The following COL25A1 variants were observed in gnomAD, a reference collection of about 807,000 sequenced individuals.
COL25A1 encodes the protein collagen alpha-1(XXV) chain.
In COL25A1, 103 loss-of-function variants were observed where a neutral mutation model predicts 128.4. The ratio of observed to expected loss-of-function variants is 0.80; its 90% CI spans 0.68 to 0.94. The LOEUF is 0.94. Ranked by LOEUF, COL25A1 falls within the 40% of genes least tolerant of loss-of-function variation. The pLI is 0.00. For synonymous variants in COL25A1, 279 were observed against 277.2 expected (o/e 1.01, Z -0.06); for missense variants, 745 against 840.0 (o/e 0.89, Z 1.40).
chr4:108,913,548 G>A (rs1456040060), intron 13 of COL25A1, among the ~76,000 whole-genome samples: 7 of 152,018 alleles, frequency 4.6e-5, no homozygotes, highest in East Asian at 1.9e-4. Context: ...GTGAGACACC[G>A]CACCCGACCT....
rs557314192 is a variant in COL25A1, at chr4:109,173,729, ACT to A, written c.368-123552_368-123551del. 7.2e-5 allele frequency among the ~76,000 whole-genome samples: 11 copies of A among 152,304 alleles called. No homozygotes were observed. In the East Asian group the frequency reaches 1.9e-3, roughly 27 times the overall value. On this transcript the variant is annotated intron_variant, in intron 3 of 37. Coordinates refer to ENST00000399132, the MANE Select transcript of COL25A1 (RefSeq NM_198721.4). The stretch of plus-strand genomic sequence containing the variant: ...TCAGTTTAAAATAAGTCATTCATAA[ACT>A]CAAAAACATAATTATTGTCAACTAT...
intron 3 of COL25A1, among the ~76,000 whole-genome samples, chr4:109,179,710 T>C (rs1297052150): frequency 6.6e-6 from 1 of 152,238 alleles, no homozygotes; most frequent in African/African-American, 2.4e-5. Flanking sequence ...TTTTTCTTAA[T>C]GTGGTCTTCT....
At chr4:109,214,869 C>T (rs534368490) in intron 3 of COL25A1, among the ~76,000 whole-genome samples, 5 of 152,230 alleles carry the variant, frequency 3.3e-5, no homozygotes, top group African/African-American at 9.6e-5. Flanking sequence ...ATAGCGCTAA[C>T]GAGACAGAGC....
At chr4:108,978,262 G>A (rs1164341401) in intron 6 of COL25A1, among the ~76,000 whole-genome samples, 1 of 152,254 alleles carries the variant, frequency 6.6e-6, no homozygotes, top group Non-Finnish European at 1.5e-5. Context: ...CACAGCTGCA[G>A]CGGCTGCTTC....
intron 3 of COL25A1, among the ~76,000 whole-genome samples, chr4:109,064,864 A>G (rs1463923334): frequency 1.3e-5 from 2 of 152,194 alleles, no homozygotes; most frequent in African/African-American, 4.8e-5. Flanking sequence ...AATACAAGAA[A>G]GCCAGCCAAG....
At chr4:109,268,059 CT>C (rs1310837237) in intron 3 of COL25A1, among the ~76,000 whole-genome samples, 2 of 152,106 alleles carry the variant, frequency 1.3e-5, no homozygotes, top group African/African-American at 4.8e-5. Flanking sequence ...AAAATCTGCA[CT>C]GCAAGTAAGT....
intron 19 of COL25A1, among the ~76,000 whole-genome samples, chr4:108,876,089 C>T (rs369885058): frequency 6.6e-6 from 1 of 151,864 alleles, no homozygotes; most frequent in Non-Finnish European, 1.5e-5. Context: ...GGAGGGATAG[C>T]GTTAGGAGAA....
intron 3 of COL25A1, among the ~76,000 whole-genome samples, chr4:109,127,989 G>A (rs900457350): frequency 6.6e-6 from 1 of 152,062 alleles, no homozygotes; most frequent in African/African-American, 2.4e-5. Flanking sequence ...TCTTTTTAGG[G>A]CCCTGCAGTC....
intron 11 of COL25A1, among the ~76,000 whole-genome samples, chr4:108,921,552 T>C (rs1360153432): frequency 2.6e-5 from 4 of 152,214 alleles, no homozygotes; most frequent in African/African-American, 7.2e-5. Flanking sequence ...ATTTTCAGTT[T>C]GTGACATTTC....
rs67907672 is a variant in COL25A1, at chr4:108,832,973, T to TAATA, written c.1657-544_1657-541dup. On this transcript the variant is annotated intron_variant, in intron 31 of 37. Transcript: ENST00000399132. Reference sequence around the variant, plus strand: ...CAGAGCGAGACTCCGTCTCAAAAAATAATAAATAAATAAATAAATAAATAA... The same window carrying TAATA: ...CAGAGCGAGACTCCGTCTCAAAAAATAATAAATAAATAAATAAATAAATAAATAA... Among the ~76,000 whole-genome samples, 530 of 106,158 alleles carry TAATA rather than the reference T, an allele frequency of 5.0e-3. 4 individuals are homozygous for TAATA. The highest frequency in any genetic ancestry group is 0.015 in the African/African-American group (466 of 31,934). 69.6% of individuals were successfully genotyped at this position (106,158 alleles called of 152,430 possible).
chr4:109,100,425 A>T (rs935988342), intron 3 of COL25A1, among the ~76,000 whole-genome samples: 2 of 152,034 alleles, frequency 1.3e-5, no homozygotes, highest in African/African-American at 4.8e-5. Flanking sequence ...GAGAAAAAAA[A>T]AAAAAGACTG....
intron 5 of COL25A1, among the ~76,000 whole-genome samples, chr4:109,013,251 C>G (rs538762352): frequency 4.6e-4 from 70 of 152,064 alleles, no homozygotes; most frequent in Non-Finnish European, 1.8e-4. Context: ...CTGTGTCTAG[C>G]TAATCTAGTG....
intron 6 of COL25A1, among the ~76,000 whole-genome samples, chr4:108,987,466 C>T (rs1431472191): frequency 6.6e-6 from 1 of 152,016 alleles, no homozygotes; most frequent in African/African-American, 2.4e-5. Flanking sequence ...ACCTCCGCCT[C>T]CCGGGTTCAG....
At chr4:109,211,325 T>A (rs1777539474) in intron 3 of COL25A1, among the ~76,000 whole-genome samples, 1 of 114,160 alleles carries the variant, frequency 8.8e-6, no homozygotes. Flanking sequence ...TATATATATA[T>A]ATATGAAACA....
chr4:108,815,517 T>C (rs1483727607), intron 37 of COL25A1, among the ~76,000 whole-genome samples: 1 of 152,126 alleles, frequency 6.6e-6, no homozygotes, highest in Non-Finnish European at 1.5e-5. Context: ...TTTGCATTTG[T>C]GTGTGTTGGG....
chr4:108,996,288 G>GAA (rs1560994249), intron 6 of COL25A1, among the ~76,000 whole-genome samples: 1 of 118,984 alleles, frequency 8.4e-6, no homozygotes. Flanking sequence ...CAAGCAAATG[G>GAA]GAAAAAAAAA....
rs544582236 is a variant in COL25A1 at position 108,837,828 on chromosome 4, G to A, written c.1656+3867C>T. Among the ~76,000 whole-genome samples the A allele has an allele frequency of 2.6e-5, 4 of 152,334 alleles. No homozygotes were observed. The East Asian group carries it at 7.7e-4, about 29-fold the overall frequency. ...CTTTTAAAAGAAGGGGACAATGGAA[G>A]AGGAATTGTCAGCCCTAAAAGAGGA... On this transcript the variant is annotated intron_variant, in intron 31 of 37. Coordinates refer to ENST00000399132, the MANE Select transcript of COL25A1 (RefSeq NM_198721.4).
intron 8 of COL25A1, among the ~76,000 whole-genome samples, chr4:108,950,358 G>T (rs1323211903): frequency 6.6e-6 from 1 of 152,094 alleles, no homozygotes; most frequent in Non-Finnish European, 1.5e-5. Flanking sequence ...TGACGTGCCA[G>T]ATAGACATGT....
At position 109,018,218 on chromosome 4, in the gene COL25A1, C is replaced by G. The variant is rs150586838; in HGVS notation, c.421-7843G>C. On this transcript the variant is annotated intron_variant, in intron 5 of 37. Coordinates refer to ENST00000399132, the MANE Select transcript of COL25A1 (RefSeq NM_198721.4). ...ATGGAACCCTCTCCTGGCCCCTGAT[C>G]CCATCCTCTTTCTTTTTTATTTTGA... Among the ~76,000 whole-genome samples, 733 of 152,066 alleles carry G rather than the reference C, an allele frequency of 4.8e-3. 5 individuals are homozygous for G. Among genetic ancestry groups the G allele is most frequent in the African/African-American group, 0.017 (717 of 41,502 alleles).
Sources: gnomAD v4.1 joint callset for allele counts (sites outside exome capture counted in the v4.1 genomes callset) on GRCh38, gnomAD v4.1.1 for gene constraint, MANE v1.5 for transcripts, NCBI Gene and HGNC (gene_info 2026-07-23, HGNC 2026-07-21) for gene names.